Variants in SLIT2 observed in about 807,000 individuals in gnomAD.
The protein encoded by SLIT2 is slit guidance ligand 2.
A neutral mutation model predicts 185.7 loss-of-function variants in SLIT2; 41 were observed. The ratio of observed to expected loss-of-function variants is 0.22; its 90% CI spans 0.17 to 0.29. SLIT2 has a LOEUF of 0.29. Among genes scored for constraint, SLIT2 ranks in the 10% least tolerant of loss-of-function variants. The pLI is 1.00. For missense variants in SLIT2, 1,571 were observed against 1,909.0 expected (o/e 0.82, Z 3.30); for synonymous variants, 693 against 680.2 (o/e 1.02, Z -0.29).
chr4:20,326,198 G>T (rs1000391236), intron 4 of SLIT2, among the ~76,000 whole-genome samples: 1 of 152,036 alleles, frequency 6.6e-6, no homozygotes, highest in Non-Finnish European at 1.5e-5. Flanking sequence ...CTGTCTGCAA[G>T]TAAAGTTATT....
Position 20,491,628 on chromosome 4 carries a change from A to T in SLIT2, c.776-133A>T. On this transcript the variant is annotated intron_variant, in intron 8 of 36. Coordinates refer to ENST00000504154, the MANE Select transcript of SLIT2 (RefSeq NM_004787.4). The stretch of plus-strand genomic sequence containing the variant: ...CTCCTAAAATATATTTTAGAAATAT[A>T]GGACCATTTTATCATCATGTATTTA... 3 of 682,204 alleles carry T rather than the reference A, an allele frequency of 4.4e-6. No individual in the cohort carries two copies. The South Asian group carries it at 7.5e-5, about 17-fold the overall frequency. The allele number at this position is 682,204 out of a possible 1,614,324, so 42.3% of individuals were successfully genotyped here.
chr4:20,468,440 A>T (rs1714601273), intron 5 of SLIT2, among the ~76,000 whole-genome samples: 1 of 151,994 alleles, frequency 6.6e-6, no homozygotes, highest in Non-Finnish European at 1.5e-5. Context: ...TCATATCCTC[A>T]TGAAAGAATG....
chr4:20,305,019 CTG>C (rs1345997738), intron 4 of SLIT2, among the ~76,000 whole-genome samples: 3 of 152,214 alleles, frequency 2.0e-5, no homozygotes, highest in African/African-American at 7.2e-5. Flanking sequence ...GTACACTAGA[CTG>C]TGAATTCTTC....
chr4:20,603,685 C>T (rs1728577544), intron 33 of SLIT2, among the ~76,000 whole-genome samples: 1 of 152,168 alleles, frequency 6.6e-6, no homozygotes, highest in Non-Finnish European at 1.5e-5. Flanking sequence ...TACAGTTTTT[C>T]ATATTTAGGC....
intron 4 of SLIT2, among the ~76,000 whole-genome samples, chr4:20,343,243 T>C (rs73234466): frequency 0.13 from 20,333 of 152,188 alleles, 1,698 homozygotes; most frequent in Middle Eastern, 0.22. Context: ...TCCCAGTCTC[T>C]GATATCTATC....
At chr4:20,538,671 C>CTTTG (rs1722521040) in intron 18 of SLIT2, among the ~76,000 whole-genome samples, 2 of 150,158 alleles carry the variant, frequency 1.3e-5, no homozygotes, top group Non-Finnish European at 3.0e-5. Context: ...GCTTTTTGTT[C>CTTTG]AGTTTTTAAG....
chr4:20,396,552 T>C (rs1725909224), intron 4 of SLIT2, among the ~76,000 whole-genome samples: 1 of 151,812 alleles, frequency 6.6e-6, no homozygotes, highest in Non-Finnish European at 1.5e-5. Flanking sequence ...GCAAAATAAG[T>C]ACAGATAAGT....
At chr4:20,459,186 C>A (rs28642777) in intron 4 of SLIT2, among the ~76,000 whole-genome samples, 81,338 of 151,376 alleles carry the variant, frequency 0.54, 23,469 homozygotes, top group African/African-American at 0.74. Flanking sequence ...CTAAAAAAAA[C>A]CTCATTAATA....
intron 4 of SLIT2, among the ~76,000 whole-genome samples, chr4:20,435,851 G>A (rs1729312059): frequency 6.6e-6 from 1 of 152,204 alleles, no homozygotes; most frequent in Non-Finnish European, 1.5e-5. Context: ...GTCGACCAAT[G>A]TAGATATTGT....
At chr4:20,483,401 A>G (rs1716904671) in intron 6 of SLIT2, among the ~76,000 whole-genome samples, 1 of 152,082 alleles carries the variant, frequency 6.6e-6, no homozygotes, top group Admixed American at 6.6e-5. Flanking sequence ...GATTTGTAGA[A>G]CTTAGAAGTA....
rs1484820835 is a variant in SLIT2 at position 20,318,000 on chromosome 4, G to A, written c.395+49119G>A. The stretch of plus-strand genomic sequence containing the variant: ...GTTTTAATTTAATGATGTGCTATTT[G>A]GGGTCCATTTTTTGTACATTCATCA... On this transcript the variant is annotated intron_variant, in intron 4 of 36. Transcript: ENST00000504154. Among the ~76,000 whole-genome samples the A allele has an allele frequency of 4.6e-5, 7 of 152,042 alleles. No homozygotes were observed. The East Asian group carries it at 1.2e-3, about 25-fold the overall frequency.
intron 33 of SLIT2, among the ~76,000 whole-genome samples, chr4:20,599,901 A>G (rs16869782): frequency 6.6e-6 from 1 of 152,206 alleles, no homozygotes; most frequent in African/African-American, 2.4e-5. Flanking sequence ...TTGATGCTTC[A>G]TAATAGTTCT....
At chr4:20,522,060 T>G (rs1307687038) in intron 12 of SLIT2, among the ~76,000 whole-genome samples, 1 of 152,134 alleles carries the variant, frequency 6.6e-6, no homozygotes, top group Non-Finnish European at 1.5e-5. Context: ...TTAAAAAAAT[T>G]TCTCCATTCC....
At chr4:20,290,688 G>A (rs1253029981) in intron 4 of SLIT2, among the ~76,000 whole-genome samples, 2 of 151,232 alleles carry the variant, frequency 1.3e-5, no homozygotes, top group Non-Finnish European at 2.9e-5. Flanking sequence ...CTGGCATATG[G>A]TGGTTGCTTG....
chr4:20,258,145 A>G (rs1459594398), intron 3 of SLIT2, among the ~76,000 whole-genome samples: 2 of 151,914 alleles, frequency 1.3e-5, no homozygotes, highest in Non-Finnish European at 3.0e-5. Context: ...TCAAAAATAC[A>G]GTTACTTTCC....
At position 20,258,541 on chromosome 4, in the gene SLIT2, T is replaced by C. The variant is rs548804364; in HGVS notation, c.323+602T>C. Among the ~76,000 whole-genome samples the C allele has an allele frequency of 7.9e-5, 12 of 151,940 alleles. No homozygotes were observed. The South Asian group carries it at 1.9e-3, about 24-fold the overall frequency. ...AAGTAAGAACTGTGTTATCAAATTG[T>C]GGTCATTCAAAGTTGGTTTTCTTCC... On this transcript the variant is annotated intron_variant, in intron 3 of 36. Coordinates refer to ENST00000504154, the MANE Select transcript of SLIT2 (RefSeq NM_004787.4).
In SLIT2 at chr4:20,380,014, C is replaced by T. The variant is rs575741782; in HGVS notation, c.396-87738C>T. Among the ~76,000 whole-genome samples the T allele has an allele frequency of 5.7e-4, 87 of 152,216 alleles. No homozygotes were observed. In the South Asian group the frequency reaches 0.015, roughly 25 times the overall value. The stretch of plus-strand genomic sequence containing the variant: ...GTTCAGTCAAGTGTTTGGTAGATTA[C>T]TGATCTATGCTTGACTGTGATGAAA... On this transcript the variant is annotated intron_variant, in intron 4 of 36. Coordinates refer to ENST00000504154, the MANE Select transcript of SLIT2 (RefSeq NM_004787.4).
At chr4:20,414,132 T>G (rs1727474469) in intron 4 of SLIT2, among the ~76,000 whole-genome samples, 1 of 152,162 alleles carries the variant, frequency 6.6e-6, no homozygotes, top group Admixed American at 6.5e-5. Context: ...TTTATATTTG[T>G]TTATTTTGCT....
intron 4 of SLIT2, among the ~76,000 whole-genome samples, chr4:20,429,716 A>C (rs368095132): frequency 6.6e-5 from 10 of 152,338 alleles, no homozygotes; most frequent in African/African-American, 2.4e-4. Context: ...GGAACAAAGA[A>C]TCAACTGCAT....
Sources: allele counts gnomAD v4.1 joint callset (sites outside exome capture counted in the v4.1 genomes callset), GRCh38; gene constraint gnomAD v4.1.1; transcripts MANE v1.5; gene names NCBI Gene and HGNC (gene_info 2026-07-23, HGNC 2026-07-21).